Variants in OTOA observed in about 807,000 individuals in gnomAD.
OTOA encodes the protein cancer/testis antigen 108.
A neutral mutation model predicts 110.8 loss-of-function variants in OTOA; 70 were observed. That is an observed-to-expected ratio of 0.63 (90% CI 0.52 to 0.77). The LOEUF is 0.77. Ranked by LOEUF, OTOA falls within the 30% of genes least tolerant of loss-of-function variation. OTOA has a pLI of 0.00. For synonymous variants in OTOA, 373 were observed against 431.5 expected, an observed-to-expected ratio of 0.86 and a Z score of 1.68; for missense variants, 917 against 1,075.8, an observed-to-expected ratio of 0.85 and a Z score of 2.06.
intron 1 of OTOA, among the ~76,000 whole-genome samples, chr16:21,668,285 GT>G (rs1399442610): frequency 6.6e-6 from 1 of 151,936 alleles, no homozygotes; most frequent in Non-Finnish European, 1.5e-5. Context: ...AATTTTAAAT[GT>G]TTTTATAGAG....
intron 1 of OTOA, among the ~76,000 whole-genome samples, chr16:21,674,818 C>A (rs1442793617): frequency 7.6e-6 from 1 of 132,038 alleles, no homozygotes; most frequent in East Asian, 2.3e-4. Context: ...GATTGGATTG[C>A]TTATTTATTT....
intron 1 of OTOA, among the ~76,000 whole-genome samples, chr16:21,675,063 GTCTT>G (rs199797416): frequency 0.22 from 27,112 of 122,832 alleles, 3,056 homozygotes; most frequent in Middle Eastern, 0.27. Flanking sequence ...TTTTCTTTCT[GTCTT>G]TCTTTCTTTC....
intron 14 of OTOA, among the ~76,000 whole-genome samples, chr16:21,716,503 G>A (rs1010318992): frequency 1.3e-5 from 2 of 151,978 alleles, no homozygotes; most frequent in East Asian, 1.9e-4. Flanking sequence ...CCCAGGAGGC[G>A]GAGACTGCAG....
At chr16:21,721,346 A>G (rs757814966) in intron 17 of OTOA, 1 of 455,620 alleles carries the variant, frequency 2.2e-6, no homozygotes, top group Non-Finnish European at 4.4e-6. Flanking sequence ...TCAACAGAGT[A>G]CTGTTTTGCC....
intron 1 of OTOA, among the ~76,000 whole-genome samples, chr16:21,676,727 C>A (rs966112235): frequency 6.6e-6 from 1 of 152,210 alleles, no homozygotes; most frequent in Non-Finnish European, 1.5e-5. Flanking sequence ...TCCAAGTATT[C>A]TTCTTATGGA....
intron 9 of OTOA, among the ~76,000 whole-genome samples, chr16:21,696,932 T>G (rs1897954404): frequency 6.7e-6 from 1 of 148,968 alleles, no homozygotes; most frequent in African/African-American, 2.5e-5. Context: ...AGGGTCTCAC[T>G]CTGTTGCCCA....
chr16:21,726,991 G>A (rs1898939204), intron 19 of OTOA: 1 of 330,124 alleles, frequency 3.0e-6, no homozygotes, highest in Non-Finnish European at 5.8e-6. Flanking sequence ...AAGGTGGGGG[G>A]AGTAGCACAT....
rs1213474615 is a variant in OTOA at position 21,695,889 on chromosome 16, A to ATTT, written c.740-1885_740-1884insTTT. 3.9e-3 allele frequency among the ~76,000 whole-genome samples: 251 copies of ATTT among 63,616 alleles called. 3 individuals carry two copies. Among genetic ancestry groups the ATTT allele is most frequent in the African/African-American group, 9.5e-3 (112 of 11,836 alleles). The allele number at this position is 63,616 out of a possible 152,430, so 41.7% of individuals were successfully genotyped here. ...GAGATATATATATATATATATATAT[A>ATTT]TATTTTTTTTTTTTTTTTTTTCTGA... On this transcript the variant is annotated intron_variant, in intron 9 of 28. Coordinates refer to ENST00000646100, the MANE Select transcript of OTOA (RefSeq NM_144672.4).
At chr16:21,686,118 T>C (rs1316893001) in intron 7 of OTOA, among the ~76,000 whole-genome samples, 1 of 151,886 alleles carries the variant, frequency 6.6e-6, no homozygotes, top group Non-Finnish European at 1.5e-5. Context: ...TTAAAAAAGG[T>C]AAGTCATTTG....
rs1898930744 is a variant in OTOA, at chr16:21,726,729, A to G, written c.2016+71A>G. 1.9e-6 allele frequency: 3 copies of G among 1,595,632 alleles called. No individual in the cohort carries two copies. The Admixed American group carries it at 5.0e-5, about 27-fold the overall frequency. On this transcript the variant is annotated intron_variant, in intron 19 of 28. Coordinates refer to ENST00000646100, the MANE Select transcript of OTOA (RefSeq NM_144672.4). ...GCCATCTTGGGGAGCCCTGTGAGGG[A>G]TCTGGCTAGGATCTTGAGCCTGCTG...
chr16:21,720,508 T>C (rs1465595614), intron 17 of OTOA, among the ~76,000 whole-genome samples: 1 of 152,202 alleles, frequency 6.6e-6, no homozygotes, highest in Non-Finnish European at 1.5e-5. Flanking sequence ...TTAATGAAGC[T>C]CTCTCATTCC....
intron 19 of OTOA, chr16:21,727,012 GTTTTTTT>G (rs543449382): frequency 2.8e-5 from 4 of 143,818 alleles, no homozygotes; most frequent in East Asian, 2.1e-4. Flanking sequence ...CCCCCTTAGA[GTTTTTTT>G]TTTTTTTTTT....
chr16:21,673,169 T>G (rs1277189892), intron 1 of OTOA, among the ~76,000 whole-genome samples: 1 of 152,128 alleles, frequency 6.6e-6, no homozygotes, highest in Non-Finnish European at 1.5e-5. Context: ...AAAAAGAATT[T>G]GAAATAACTA....
chr16:21,730,408 C>G (rs200732617), intron 20 of OTOA: 45 of 213,204 alleles, frequency 2.1e-4, no homozygotes, highest in Non-Finnish European at 3.3e-4. Flanking sequence ...CTAAAGAGAA[C>G]GGGAATGTAT....
chr16:21,752,634 AT>A, intron 26 of OTOA, 129 bp downstream of exon 26: 1 of 232,926 alleles, frequency 4.3e-6, no homozygotes, highest in Non-Finnish European at 8.2e-6. Flanking sequence ...ACATTTCATG[AT>A]TTGAAGTTGC....
chr16:21,737,803 C>T (rs1435978988), intron 22 of OTOA, among the ~76,000 whole-genome samples: 1 of 152,270 alleles, frequency 6.6e-6, no homozygotes, highest in African/African-American at 2.4e-5. Flanking sequence ...TAGATGTGAG[C>T]TACCATGCCT....
intron 10 of OTOA, among the ~76,000 whole-genome samples, chr16:21,698,821 A>C (rs1897994398): frequency 6.6e-6 from 1 of 152,124 alleles, no homozygotes; most frequent in African/African-American, 2.4e-5. Context: ...TAACAGCTTA[A>C]ATTCTTAGAA....
chr16:21,759,412 A>G (rs1900096808), intron 28 of OTOA, among the ~76,000 whole-genome samples: 1 of 151,064 alleles, frequency 6.6e-6, no homozygotes, highest in Non-Finnish European at 1.5e-5. Flanking sequence ...TGTTGGTTTT[A>G]TGGCTATGCC....
At chr16:21,758,103 G>C (rs933601106) in intron 28 of OTOA, among the ~76,000 whole-genome samples, 4 of 151,954 alleles carry the variant, frequency 2.6e-5, no homozygotes, top group African/African-American at 9.6e-5. Context: ...AGATAGAGAA[G>C]CCTCCCCAGG....
Sources: gnomAD v4.1 joint callset for allele counts (sites outside exome capture counted in the v4.1 genomes callset) on GRCh38, gnomAD v4.1.1 for gene constraint, MANE v1.5 for transcripts, NCBI Gene and HGNC (gene_info 2026-07-23, HGNC 2026-07-21) for gene names.